Variants in ERG observed in about 807,000 individuals in gnomAD.
ERG encodes ETS transcription factor ERG.
Under a neutral mutation model 55.3 loss-of-function variants are expected in ERG, and 9 were observed. That is an observed-to-expected ratio of 0.16 (90% CI 0.10 to 0.28). The LOEUF (loss-of-function observed/expected upper bound fraction) is 0.28, where lower values mean the gene tolerates loss of function less well. ERG is among the 10% of genes least tolerant of loss of function. The pLI is 1.00. For missense variants in ERG, 434 were observed against 631.6 expected (o/e 0.69, Z 3.35); for synonymous variants, 223 against 237.3 (o/e 0.94, Z 0.55).
At chr21:38,400,331 C>T in intron 6 of ERG, 1 of 616,272 alleles carries the variant, frequency 1.6e-6, no homozygotes, top group Non-Finnish European at 3.1e-6. Context: ...CTTCTTTGCC[C>T]ATCTGTCTTT....
chr21:38,383,944 A>G lies in ERG; in HGVS notation c.920-21T>C. The G allele has an allele frequency of 2.5e-6, 4 of 1,599,334 alleles. No individual in the cohort carries two copies. The highest frequency in any genetic ancestry group is 3.4e-6 in the Non-Finnish European group (4 of 1,172,248). On this transcript the variant is annotated intron_variant, in intron 9 of 9. Coordinates refer to ENST00000288319, the MANE Select transcript of ERG (RefSeq NM_182918.4). The surrounding 1 kb of genome is among the most constrained non-coding windows in gnomAD (Gnocchi z 5.7). ...ACTGCCTAATGAGGTCAGGAGAGGAAGGAAAACTCCAGTGAGCACAGGTTC... is the reference window on the plus strand; with the variant it reads ...ACTGCCTAATGAGGTCAGGAGAGGAGGGAAAACTCCAGTGAGCACAGGTTC...
intron 1 of ERG, among the ~76,000 whole-genome samples, chr21:38,593,547 T>C (rs1718602495): frequency 6.6e-6 from 1 of 152,180 alleles, no homozygotes; most frequent in Non-Finnish European, 1.5e-5. Context: ...TGTCTCGATA[T>C]AATTACAAGG....
At chr21:38,655,050 A>T (rs1169795167) in intron 1 of ERG, among the ~76,000 whole-genome samples, 1 of 152,222 alleles carries the variant, frequency 6.6e-6, no homozygotes, top group African/African-American at 2.4e-5. Context: ...TTTTATGTTG[A>T]GATTGTAAAT....
rs563693086 is a variant in ERG at position 38,498,018 on chromosome 21, G to A, written c.18+345C>T. On this transcript the variant is annotated intron_variant, in intron 1 of 9. Coordinates refer to ENST00000288319, the MANE Select transcript of ERG (RefSeq NM_182918.4). The surrounding 1 kb of genome is among the most constrained non-coding windows in gnomAD (Gnocchi z 4.6). The stretch of plus-strand genomic sequence containing the variant: ...TTTGACCCGACCCTTCAACCTCTCC[G>A]AGTCTGCTGCCTTTTCTCAGACACA... Among the ~76,000 whole-genome samples, 4 of 152,244 alleles carry A rather than the reference G, an allele frequency of 2.6e-5. No homozygotes were observed. The highest frequency in any genetic ancestry group is 4.2e-4 in the South Asian group (2 of 4,816).
rs774176629 is a variant in ERG at position 38,445,444 on chromosome 21, T to C, written c.196A>G (p.Ile66Val). 6.2e-7 allele frequency: 1 copy of C among 1,614,180 alleles called. No individual in the cohort carries two copies. Among genetic ancestry groups the C allele is most frequent in the South Asian group, 1.1e-5 (1 of 91,088 alleles). Residue 66 changes from isoleucine to valine, a missense_variant, in exon 2 of 10, where the codon ATC becomes GTC. Around this residue, in one of 5 missense-constraint regions of ERG, gnomAD observed 212 missense variants for 262.9 expected, o/e 0.81. Transcript: ENST00000288319. Reference protein sequence around the residue: ...WLSQPPARVTIKMECNPSQVN... With the variant: ...WLSQPPARVTVKMECNPSQVN... ...TGGCTAGGGTTACATTCCATTTTGA[T>C]GGTGACCCTGGCTGGGGGTTGAGAC...
chr21:38,600,002 C>T (rs1297976347), intron 1 of ERG, among the ~76,000 whole-genome samples: 1 of 152,190 alleles, frequency 6.6e-6, no homozygotes, highest in Non-Finnish European at 1.5e-5. Flanking sequence ...TGAGCAACAG[C>T]CCACTGGGTC....
intron 2 of ERG, among the ~76,000 whole-genome samples, chr21:38,424,686 C>T (rs890825919): frequency 2.0e-5 from 3 of 152,194 alleles, no homozygotes; most frequent in African/African-American, 7.2e-5. Flanking sequence ...CTCAAAACCT[C>T]AGAATGAAAT....
chr21:38,485,010 A>G (rs931692680), intron 1 of ERG, among the ~76,000 whole-genome samples: 15 of 146,846 alleles, frequency 1.0e-4, no homozygotes, highest in African/African-American at 3.8e-4. Flanking sequence ...TCTATTTCCA[A>G]AAAAAAAAAA....
intron 1 of ERG, among the ~76,000 whole-genome samples, chr21:38,626,420 T>A (rs189554006): frequency 6.6e-6 from 1 of 152,178 alleles, no homozygotes; most frequent in African/African-American, 2.4e-5. Context: ...TTAGAGCAAG[T>A]TGACATCACT....
chr21:38,486,718 G>A (rs923529294), intron 1 of ERG, among the ~76,000 whole-genome samples: 4 of 152,060 alleles, frequency 2.6e-5, no homozygotes, highest in Non-Finnish European at 4.4e-5. Flanking sequence ...TATTATTATT[G>A]TTGTTATTAT....
intron 1 of ERG, among the ~76,000 whole-genome samples, chr21:38,619,467 C>T (rs1222567882): frequency 1.3e-5 from 2 of 152,132 alleles, no homozygotes; most frequent in African/African-American, 4.8e-5. Context: ...CACTCTCTGG[C>T]CTTGCAGCTA....
rs192102072 is a variant in ERG, at chr21:38,430,043, A to G, written c.237-6482T>C. Among the ~76,000 whole-genome samples the G allele has an allele frequency of 1.2e-3, 180 of 152,244 alleles. 1 individual carries two copies. The highest frequency in any genetic ancestry group is 4.0e-3 in the African/African-American group (168 of 41,538). ...TAGTTTACATTCCCATTGGCAGTGTAAAAGTGTTCCCTTTTCACCATATCC... is the reference window on the plus strand; with the variant it reads ...TAGTTTACATTCCCATTGGCAGTGTGAAAGTGTTCCCTTTTCACCATATCC... On this transcript the variant is annotated intron_variant, in intron 2 of 9. Coordinates refer to ENST00000288319, the MANE Select transcript of ERG (RefSeq NM_182918.4).
intron 1 of ERG, among the ~76,000 whole-genome samples, chr21:38,592,571 CTGTGTGTG>C (rs56195027): frequency 0.38 from 55,814 of 147,968 alleles, 10,841 homozygotes; most frequent in Middle Eastern, 0.47. Context: ...TCTCCCTTCA[CTGTGTGTG>C]TGTGTGTGTG....
intron 2 of ERG, among the ~76,000 whole-genome samples, chr21:38,441,344 C>T (rs111714122): frequency 8.3e-4 from 126 of 151,866 alleles, no homozygotes; most frequent in African/African-American, 2.8e-3. Context: ...GAGATGATGT[C>T]AGATAATGTG....
intron 3 of ERG, among the ~76,000 whole-genome samples, chr21:38,413,912 T>G (rs778721094): frequency 6.6e-6 from 1 of 151,658 alleles, no homozygotes; most frequent in Non-Finnish European, 1.5e-5. Flanking sequence ...ATATGTATCT[T>G]TGGGCATTCT....
intron 1 of ERG, among the ~76,000 whole-genome samples, chr21:38,446,503 C>A (rs186436399): frequency 2.0e-5 from 3 of 152,306 alleles, no homozygotes; most frequent in Admixed American, 2.0e-4. Context: ...ATTTCAACGA[C>A]TTAAATGATG....
intron 1 of ERG, among the ~76,000 whole-genome samples, chr21:38,466,567 G>A (rs1006917252): frequency 6.6e-6 from 1 of 152,022 alleles, no homozygotes; most frequent in African/African-American, 2.4e-5. Context: ...CAAAGTGAGG[G>A]GGGGTCTATG....
chr21:38,558,038 C>T (rs147003250), intron 2 of ERG, among the ~76,000 whole-genome samples: 228 of 150,810 alleles, frequency 1.5e-3, no homozygotes, highest in Non-Finnish European at 2.9e-3. Flanking sequence ...TTTCTTTGAT[C>T]TAAATCAGGA....
At chr21:38,606,029 T>C (rs1290857395) in intron 1 of ERG, among the ~76,000 whole-genome samples, 2 of 151,710 alleles carry the variant, frequency 1.3e-5, no homozygotes, top group Non-Finnish European at 2.9e-5. Context: ...AGACAGATGA[T>C]TGATAGATGA....
Sources: gnomAD v4.1 joint callset for allele counts (sites outside exome capture counted in the v4.1 genomes callset) on GRCh38, gnomAD v4.1.1 for gene constraint, gnomAD v4.1.1 regional missense constraint, Gnocchi (gnomAD v3.1) non-coding constraint, MANE v1.5 for transcripts, NCBI Gene and HGNC (gene_info 2026-07-23, HGNC 2026-07-21) for gene names.